Variants in NUP160 observed in about 807,000 individuals in gnomAD.
The protein encoded by NUP160 is nucleoporin 160.
A neutral mutation model predicts 196.9 loss-of-function variants in NUP160; 94 were observed. The ratio of observed to expected loss-of-function variants is 0.48; its 90% CI spans 0.40 to 0.57. The LOEUF is 0.57. Among genes scored for constraint, NUP160 ranks in the 20% least tolerant of loss-of-function variants. The pLI, the probability that NUP160 is intolerant of heterozygous loss-of-function variation, is 0.00. For synonymous variants in NUP160, 605 were observed against 619.7 expected, an observed-to-expected ratio of 0.98 and a Z score of 0.35; for missense variants, 1,638 against 1,748.3, an observed-to-expected ratio of 0.94 and a Z score of 1.13.
intron 20 of NUP160, 73 bp downstream of exon 20, chr11:47,806,080 C>G: frequency 7.1e-7 from 1 of 1,417,998 alleles, no homozygotes; most frequent in Non-Finnish European, 9.9e-7. Context: ...TCCCAAAGTG[C>G]TGGGATTACA....
At chr11:47,804,717 T>TTTTTCTTTGTAA in intron 20 of NUP160, 99 bp from the exon 21 acceptor site, 1 of 750,480 alleles carries the variant, frequency 1.3e-6, no homozygotes. Flanking sequence ...TAGCTTAATT[T>TTTTTCTTTGTAA]ACATAAACAA....
chr11:47,821,850 T>C, intron 8 of NUP160, 29 bp from the exon 9 acceptor site: 2 of 1,544,460 alleles, frequency 1.3e-6, no homozygotes, highest in Non-Finnish European at 1.8e-6. Flanking sequence ...AAAAAAGGGA[T>C]AAAATAAGAA....
At chr11:47,844,415 C>T (rs1158977684) in intron 2 of NUP160, among the ~76,000 whole-genome samples, 1 of 152,186 alleles carries the variant, frequency 6.6e-6, no homozygotes, top group Admixed American at 6.5e-5. Flanking sequence ...TGATCTGGCC[C>T]TCAACTATCT....
At chr11:47,816,874 A>C (rs1290814468) in intron 11 of NUP160, among the ~76,000 whole-genome samples, 1 of 151,388 alleles carries the variant, frequency 6.6e-6, no homozygotes, top group African/African-American at 2.4e-5. Context: ...TGAACTCCTG[A>C]GCTCAAGCAA....
At chr11:47,783,898 T>G (rs991182835) in intron 33 of NUP160, among the ~76,000 whole-genome samples, 1 of 152,138 alleles carries the variant, frequency 6.6e-6, no homozygotes, top group African/African-American at 2.4e-5. Flanking sequence ...TTCACCATGT[T>G]GGCCAGGCTG....
intron 35 of NUP160, 79 bp from the exon 36 acceptor site, chr11:47,779,273 C>T: frequency 1.1e-6 from 1 of 877,304 alleles, no homozygotes; most frequent in Non-Finnish European, 1.8e-6. Flanking sequence ...ACTTTGACTT[C>T]ACCAAGTAGA....
At chr11:47,845,747 C>T (rs564418171) in intron 2 of NUP160, among the ~76,000 whole-genome samples, 1 of 151,968 alleles carries the variant, frequency 6.6e-6, no homozygotes, top group Admixed American at 6.5e-5. Flanking sequence ...TACCCTTTTT[C>T]CCACCTGGAG....
chr11:47,812,321 C>A (rs759405415), exon 16 of NUP160: 5 of 1,613,892 alleles, frequency 3.1e-6, no homozygotes, highest in Non-Finnish European at 4.2e-6. Context: ...ATCCCTTTTC[C>A]ATTTCCACTT....
At chr11:47,841,047 T>C (rs574773212) in intron 2 of NUP160, among the ~76,000 whole-genome samples, 1 of 152,212 alleles carries the variant, frequency 6.6e-6, no homozygotes, top group East Asian at 1.9e-4. Context: ...AGCAATTTTA[T>C]ACATGCGCTT....
intron 7 of NUP160, among the ~76,000 whole-genome samples, chr11:47,834,702 G>C (rs1852140981): frequency 6.6e-6 from 1 of 152,196 alleles, no homozygotes; most frequent in South Asian, 2.1e-4. Flanking sequence ...CAGCACAGGA[G>C]TGAGAACACT....
At chr11:47,803,299 C>A in intron 22 of NUP160, 139 bp downstream of exon 22, 1 of 593,608 alleles carries the variant, frequency 1.7e-6, no homozygotes, top group Non-Finnish European at 3.0e-6. Flanking sequence ...ATGCCTTTGA[C>A]TGGCATTAGT....
chr11:47,846,141 GA>G (rs577714628), intron 2 of NUP160, among the ~76,000 whole-genome samples: 192 of 93,680 alleles, frequency 2.0e-3, no homozygotes, highest in South Asian at 7.6e-3. Context: ...CTCTCAAAAA[GA>G]AAAAAAAAAA....
At chr11:47,816,633 G>A (rs1345129169) in intron 11 of NUP160, among the ~76,000 whole-genome samples, 1 of 152,028 alleles carries the variant, frequency 6.6e-6, no homozygotes, top group Non-Finnish European at 1.5e-5. Flanking sequence ...AAAATTAGCC[G>A]GGTGTGGTGG....
chr11:47,784,029 CAAAAA>C (rs1392402453), intron 33 of NUP160, among the ~76,000 whole-genome samples: 2 of 150,150 alleles, frequency 1.3e-5, no homozygotes, highest in African/African-American at 2.5e-5. Flanking sequence ...AAAACAAAAA[CAAAAA>C]AAACAAAACA....
chr11:47,827,917 T>C (rs975333717), intron 7 of NUP160, among the ~76,000 whole-genome samples: 1 of 152,194 alleles, frequency 6.6e-6, no homozygotes, highest in Non-Finnish European at 1.5e-5. Context: ...GTTGCTCAGG[T>C]TGAAGTACAG....
intron 4 of NUP160, chr11:47,839,570 C>T (rs1852253650): frequency 4.6e-6 from 2 of 434,060 alleles, no homozygotes; most frequent in South Asian, 3.3e-5. Flanking sequence ...GCCTCCATCT[C>T]AGGGCAGACA....
intron 34 of NUP160, 49 bp from the exon 35 acceptor site, chr11:47,780,496 C>CTTCT: frequency 8.1e-7 from 1 of 1,240,632 alleles, no homozygotes; most frequent in Non-Finnish European, 1.2e-6. Context: ...TGTACCATTT[C>CTTCT]TTCTGGGTAG....
At chr11:47,847,936 C>T (rs1242037159) in exon 2 of NUP160, 1 of 1,614,000 alleles carries the variant, frequency 6.2e-7, no homozygotes, top group African/African-American at 1.3e-5. Context: ...TATTTTACGG[C>T]GCCAGCCACG....
chr11:47,794,222 G>A (rs1468747521), intron 27 of NUP160, among the ~76,000 whole-genome samples: 9 of 152,198 alleles, frequency 5.9e-5, no homozygotes, highest in Admixed American at 6.5e-5. Flanking sequence ...TAGCGGGCGC[G>A]GTGGCTCATG....
Sources: allele counts gnomAD v4.1 joint callset (sites outside exome capture counted in the v4.1 genomes callset), GRCh38; gene constraint gnomAD v4.1.1; transcripts MANE v1.5; gene names NCBI Gene and HGNC (gene_info 2026-07-23, HGNC 2026-07-21).